Variants in ZMIZ1 observed in about 807,000 individuals in gnomAD.
ZMIZ1 encodes zinc finger MIZ domain-containing protein 1.
Under a neutral mutation model 113.9 loss-of-function variants are expected in ZMIZ1, and 17 were observed. The observed-to-expected ratio is 0.15, with a 90% CI of 0.10 to 0.22. ZMIZ1 has a LOEUF of 0.22. Ranked by LOEUF, ZMIZ1 falls within the 10% of genes least tolerant of loss-of-function variation. The pLI is 1.00. For synonymous variants in ZMIZ1, 607 were observed against 603.1 expected, an observed-to-expected ratio of 1.01 and a Z score of -0.09; for missense variants, 1,059 against 1,477.8, an observed-to-expected ratio of 0.72 and a Z score of 4.65.
chr10:79,134,006 T>G (rs185845805), intron 2 of ZMIZ1, among the ~76,000 whole-genome samples: 1 of 152,352 alleles, frequency 6.6e-6, no homozygotes, highest in East Asian at 1.9e-4. Context: ...TGGATGCTAA[T>G]TTGCTGGTGA....
intron 9 of ZMIZ1, 95 bp downstream of exon 9, chr10:79,289,984 C>T (rs905935194): frequency 3.6e-5 from 46 of 1,263,850 alleles, no homozygotes; most frequent in Non-Finnish European, 3.8e-5. Context: ...CCTCACAGGC[C>T]TTGCCCTGCT....
intron 7 of ZMIZ1, among the ~76,000 whole-genome samples, chr10:79,247,518 T>C (rs1850281068): frequency 6.6e-6 from 1 of 152,010 alleles, no homozygotes; most frequent in Admixed American, 6.5e-5. Context: ...TATGACCCTT[T>C]TCCTCCCTCT....
At chr10:79,211,147 T>G (rs970758160) in intron 6 of ZMIZ1, among the ~76,000 whole-genome samples, 1 of 152,148 alleles carries the variant, frequency 6.6e-6, no homozygotes, top group Admixed American at 6.5e-5. Flanking sequence ...ACTTCAGTGC[T>G]CAGGGTATTT....
chr10:79,136,168 C>T (rs1241529627), intron 2 of ZMIZ1, among the ~76,000 whole-genome samples: 1 of 152,208 alleles, frequency 6.6e-6, no homozygotes, highest in Non-Finnish European at 1.5e-5. Flanking sequence ...TCAGGGGACC[C>T]TCAGGAAGTC....
Position 79,303,948 on chromosome 10 carries a change from G to C in ZMIZ1, c.2126-67G>C, listed in dbSNP as rs544451181. On this transcript the variant is annotated intron_variant, in intron 18 of 24. Transcript: ENST00000334512. ...AGCTGCACGAGGAAGTGGGGAGCAC[G>C]TGCAGACCCCCTACCTCTGCAGGAC... 1.6e-5 allele frequency: 26 copies of C among 1,594,180 alleles called. No individual in the cohort carries two copies. In the African/African-American group the frequency reaches 2.7e-4, roughly 16 times the overall value.
At chr10:79,085,370 G>T (rs983243387) in intron 1 of ZMIZ1, among the ~76,000 whole-genome samples, 1 of 152,218 alleles carries the variant, frequency 6.6e-6, no homozygotes, top group East Asian at 1.9e-4. Flanking sequence ...CCAGCGTGAC[G>T]CCAGGCCCGC....
At chr10:79,159,471 C>T (rs992243677) in intron 3 of ZMIZ1, among the ~76,000 whole-genome samples, 2 of 152,212 alleles carry the variant, frequency 1.3e-5, no homozygotes, top group Admixed American at 1.3e-4. Flanking sequence ...GGTTCAGGCT[C>T]TCCGGCTGGT....
chr10:79,155,771 C>A (rs1471859021), intron 3 of ZMIZ1, among the ~76,000 whole-genome samples: 3 of 152,258 alleles, frequency 2.0e-5, no homozygotes, highest in Non-Finnish European at 4.4e-5. Flanking sequence ...GCCCTGCTCA[C>A]TGATGCCCTC....
chr10:79,211,791 A>G (rs1204868968), intron 6 of ZMIZ1, among the ~76,000 whole-genome samples: 1 of 152,210 alleles, frequency 6.6e-6, no homozygotes, highest in Non-Finnish European at 1.5e-5. Flanking sequence ...CTCCTCCAGT[A>G]GTCGGGCAGA....
intron 7 of ZMIZ1, among the ~76,000 whole-genome samples, chr10:79,243,099 G>C (rs896478939): frequency 6.6e-6 from 1 of 150,784 alleles, no homozygotes; most frequent in Non-Finnish European, 1.5e-5. Flanking sequence ...TTCCTCCCGC[G>C]CTCCTCCTCC....
intron 1 of ZMIZ1, among the ~76,000 whole-genome samples, chr10:79,085,799 A>G (rs1842794180): frequency 6.6e-6 from 1 of 152,154 alleles, no homozygotes; most frequent in Non-Finnish European, 1.5e-5. Flanking sequence ...TCTGTTTCTG[A>G]GCTGTGCCCA....
At chr10:79,109,566 T>C (rs1198601252) in intron 1 of ZMIZ1, among the ~76,000 whole-genome samples, 1 of 152,184 alleles carries the variant, frequency 6.6e-6, no homozygotes, top group Non-Finnish European at 1.5e-5. Flanking sequence ...GAGGGAGGGA[T>C]GTGGTGCCCA....
intron 4 of ZMIZ1, among the ~76,000 whole-genome samples, chr10:79,164,056 G>A (rs534350692): frequency 2.4e-4 from 37 of 152,310 alleles, no homozygotes; most frequent in African/African-American, 8.7e-4. Flanking sequence ...GGAAGAGAAA[G>A]CCTTGGTGGA....
At chr10:79,125,231 C>T (rs1157949698) in intron 2 of ZMIZ1, among the ~76,000 whole-genome samples, 3 of 152,240 alleles carry the variant, frequency 2.0e-5, no homozygotes, top group Admixed American at 2.0e-4. Context: ...CCTCCCCCAA[C>T]CCCATCTGCC....
rs939208572 is a variant in ZMIZ1 at position 79,242,748 on chromosome 10, G to A, written c.280+26474G>A. Among the ~76,000 whole-genome samples, 13 of 152,086 alleles carry A rather than the reference G, an allele frequency of 8.5e-5. No individual in the cohort carries two copies. The East Asian group carries it at 2.3e-3, about 27-fold the overall frequency. ...CGCTCCGGGAGCCCCACTCGCACAA[G>A]TGTTGCTTCCAATTAATTGCCTGGG... On this transcript the variant is annotated intron_variant, in intron 7 of 24. Coordinates refer to ENST00000334512, the MANE Select transcript of ZMIZ1 (RefSeq NM_020338.4).
chr10:79,203,260 T>C (rs1320090070), intron 5 of ZMIZ1, among the ~76,000 whole-genome samples: 1 of 152,174 alleles, frequency 6.6e-6, no homozygotes, highest in East Asian at 1.9e-4. Context: ...GGGTTGTGTG[T>C]CTTCTTATTA....
chr10:79,217,281 C>T (rs954214057), intron 7 of ZMIZ1, among the ~76,000 whole-genome samples: 5 of 152,116 alleles, frequency 3.3e-5, no homozygotes, highest in Non-Finnish European at 2.9e-5. Flanking sequence ...AAAAATTAGC[C>T]GGGTGTGGTG....
At position 79,194,019 on chromosome 10, in the gene ZMIZ1, C is replaced by T. The variant is rs1277915356; in HGVS notation, c.-49-7565C>T. Among the ~76,000 whole-genome samples the T allele has an allele frequency of 6.9e-4, 105 of 152,304 alleles. 3 individuals are homozygous for T. Among genetic ancestry groups the T allele is most frequent in the Admixed American group, 6.8e-3 (104 of 15,300 alleles). ...CTGATGAAGGGGCTGTCTGGGATGTCCTCTGGACCCCTAGGCTTTCCCTTC... is the reference window on the plus strand; with the variant it reads ...CTGATGAAGGGGCTGTCTGGGATGTTCTCTGGACCCCTAGGCTTTCCCTTC... On this transcript the variant is annotated intron_variant, in intron 4 of 24. Transcript: ENST00000334512.
intron 4 of ZMIZ1, among the ~76,000 whole-genome samples, chr10:79,183,684 C>T (rs533694205): frequency 1.3e-5 from 2 of 152,200 alleles, no homozygotes; most frequent in Non-Finnish European, 2.9e-5. Flanking sequence ...AATGCTGTGT[C>T]TCAGTTTTCC....
Sources: gnomAD v4.1 joint callset for allele counts (sites outside exome capture counted in the v4.1 genomes callset) on GRCh38, gnomAD v4.1.1 for gene constraint, MANE v1.5 for transcripts, NCBI Gene and HGNC (gene_info 2026-07-23, HGNC 2026-07-21) for gene names.